PKHD1L1: variants seen among roughly 807,000 people sequenced by gnomAD.
PKHD1L1 encodes fibrocystin-L.
In PKHD1L1, 434 loss-of-function variants were observed where a neutral mutation model predicts 462.9. The observed-to-expected ratio is 0.94, with a 90% CI of 0.87 to 1.02. The LOEUF is 1.02. Among genes scored for constraint, PKHD1L1 ranks in the 50% least tolerant of loss-of-function variants. The probability of loss-of-function intolerance (pLI) is 0.00; values close to 1 mark genes in which losing one functional copy is unlikely to be tolerated. For missense variants in PKHD1L1, 5,202 were observed against 5,096.1 expected (o/e 1.02, Z -0.63); for synonymous variants, 1,781 against 1,750.0 (o/e 1.02, Z -0.44).
chr8:109,447,955 T>C (rs1183706786), intron 38 of PKHD1L1, among the ~76,000 whole-genome samples, 188 bp from the exon 39 acceptor site: 2 of 152,186 alleles, frequency 1.3e-5, no homozygotes, highest in Admixed American at 1.3e-4. Flanking sequence ...TTATAATTAA[T>C]ATACAGTAGA....
Position 109,498,485 on chromosome 8 carries a change from C to T in PKHD1L1, c.10623C>T (p.Ser3541=). Residue 3541 remains serine, a synonymous_variant, in exon 66 of 78, where the codon AGC becomes AGT. Transcript: ENST00000378402. ...AGAGCTCATTAATTGTTGGAAGTAG[C>T]CCTGGGTTTAATTGCTCTGATGTCC... ...QIKSSLIVGS[S]PGFNCSDVLT... The T allele has an allele frequency of 1.2e-6, 2 of 1,612,006 alleles. No homozygotes were observed. The highest frequency in any genetic ancestry group is 1.7e-6 in the Non-Finnish European group (2 of 1,178,204).
intron 19 of PKHD1L1, among the ~76,000 whole-genome samples, 177 bp from the exon 20 acceptor site, chr8:109,412,088 T>C (rs1239662220): frequency 6.6e-6 from 1 of 152,154 alleles, no homozygotes; most frequent in African/African-American, 2.4e-5. Flanking sequence ...AAGGATTATA[T>C]AATTATGGAT....
chr8:109,367,043 T>C (rs1811269398), intron 2 of PKHD1L1, among the ~76,000 whole-genome samples: 1 of 152,240 alleles, frequency 6.6e-6, no homozygotes, highest in Non-Finnish European at 1.5e-5. Context: ...TAAAGTTGTA[T>C]ATATTAAATA....
intron 58 of PKHD1L1, 137 bp downstream of exon 58, chr8:109,485,310 C>A: frequency 1.4e-6 from 1 of 707,552 alleles, no homozygotes; most frequent in East Asian, 2.9e-5. Context: ...CAATGATACC[C>A]AGTGAGTGCT....
chr8:109,449,807 G>A (rs1816379832), intron 40 of PKHD1L1, among the ~76,000 whole-genome samples: 1 of 152,154 alleles, frequency 6.6e-6, no homozygotes, highest in Non-Finnish European at 1.5e-5. Context: ...ATTAAAGATA[G>A]GAGTTTCATT....
intron 30 of PKHD1L1, among the ~76,000 whole-genome samples, 155 bp downstream of exon 30, chr8:109,436,614 C>G (rs959339729): frequency 8.5e-5 from 13 of 152,128 alleles, no homozygotes; most frequent in African/African-American, 3.1e-4. Flanking sequence ...TCTTCCATAT[C>G]TTTCCACTAA....
At chr8:109,363,413 G>A (rs1445291835) in intron 1 of PKHD1L1, among the ~76,000 whole-genome samples, 1 of 152,178 alleles carries the variant, frequency 6.6e-6, no homozygotes, top group Non-Finnish European at 1.5e-5. Context: ...GAGAGCTTTT[G>A]CTACTATAGG....
intron 3 of PKHD1L1, 92 bp downstream of exon 3, chr8:109,381,606 G>A (rs1016758641): frequency 2.7e-5 from 26 of 952,124 alleles, no homozygotes; most frequent in Middle Eastern, 3.4e-4. Flanking sequence ...TATTACCCTG[G>A]CTATTATAAA....
chr8:109,527,184 C>T (rs1820860397), intron 77 of PKHD1L1, among the ~76,000 whole-genome samples, 164 bp downstream of exon 77: 1 of 152,092 alleles, frequency 6.6e-6, no homozygotes, highest in South Asian at 2.1e-4. Flanking sequence ...AAATGTTATT[C>T]ACTACATGTT....
At chr8:109,436,584 T>G in intron 30 of PKHD1L1, 125 bp downstream of exon 30, 1 of 1,430,330 alleles carries the variant, frequency 7.0e-7, no homozygotes, top group South Asian at 1.4e-5. Flanking sequence ...GGGTTTCTAT[T>G]ATGCTCCTTA....
At chr8:109,451,824 G>T (rs1257525327) in intron 41 of PKHD1L1, among the ~76,000 whole-genome samples, 1 of 152,132 alleles carries the variant, frequency 6.6e-6, no homozygotes, top group African/African-American at 2.4e-5. Context: ...TCTTTTAAAA[G>T]TACCTGTTGG....
chr8:109,479,913 A>G, intron 54 of PKHD1L1, 78 bp from the exon 55 acceptor site: 3 of 1,334,462 alleles, frequency 2.2e-6, no homozygotes, highest in Non-Finnish European at 3.0e-6. Flanking sequence ...ACTAGGACTC[A>G]CTGATAAGCT....
In PKHD1L1 at chr8:109,507,975, A is replaced by G. The variant is rs1819780489; in HGVS notation, c.11227+80A>G. The G allele has an allele frequency of 6.6e-6, 10 of 1,524,508 alleles. No individual in the cohort carries two copies. The South Asian group carries it at 1.1e-4, about 17-fold the overall frequency. The allele number at this position is 1,524,508 out of a possible 1,614,324, so 94.4% of individuals were successfully genotyped here. On this transcript the variant is annotated intron_variant, in intron 69 of 77. Coordinates refer to ENST00000378402, the MANE Select transcript of PKHD1L1 (RefSeq NM_177531.6). ...ATGTTTTATTTTTAATGACTTGCCT[A>G]CTCAACCAATAACTTTTATTTTCTA...
chr8:109,405,091 CT>C lies in PKHD1L1; in HGVS notation c.1633del (p.Tyr545ThrfsTer5). ...SPCVEANSCS[L>X]YQYRLIYNME... The stretch of plus-strand genomic sequence containing the variant: ...ATGTGTGGAAGCTAATTCATGTTCA[CT>C]TTACCAATATAGATTAATCTATAAT... On this transcript the variant is annotated frameshift_variant, in exon 16 of 78. Coordinates refer to ENST00000378402, the MANE Select transcript of PKHD1L1 (RefSeq NM_177531.6). LOFTEE classifies it high-confidence loss of function. 6.6e-7 allele frequency: 1 copy of C among 1,508,668 alleles called. No homozygotes were observed. The highest frequency in any genetic ancestry group is 2.4e-5 in the East Asian group (1 of 41,388). The allele number at this position is 1,508,668 out of a possible 1,614,324, so 93.5% of individuals were successfully genotyped here.
Position 109,364,645 on chromosome 8 carries a change from G to GATTTT in PKHD1L1, c.163+9_163+10insATTTT. ...GACTATAAGAGGGGAAGGTATCGTT[G>GATTTT]CTTTTTTTTTTTTTTTTTTGCCAAG... On this transcript the variant is annotated intron_variant, in intron 2 of 77. Transcript: ENST00000378402. 8.3e-7 allele frequency: 1 copy of GATTTT among 1,201,106 alleles called. No homozygotes were observed. The highest frequency in any genetic ancestry group is 1.8e-5 in the South Asian group (1 of 54,678). 74.4% of individuals were successfully genotyped at this position (1,201,106 alleles called of 1,614,324 possible).
At chr8:109,367,149 T>G (rs1460286597) in intron 2 of PKHD1L1, among the ~76,000 whole-genome samples, 4 of 152,216 alleles carry the variant, frequency 2.6e-5, no homozygotes, top group Non-Finnish European at 5.9e-5. Flanking sequence ...GCCCATAATA[T>G]ATACAGAATG....
chr8:109,371,687 G>T (rs1279126192), intron 2 of PKHD1L1, among the ~76,000 whole-genome samples: 3 of 135,238 alleles, frequency 2.2e-5, no homozygotes, highest in African/African-American at 8.0e-5. Flanking sequence ...TTGATAAGGT[G>T]TAAGGAAGGG....
intron 47 of PKHD1L1, among the ~76,000 whole-genome samples, chr8:109,460,598 C>A (rs774968736): frequency 1.3e-5 from 2 of 152,128 alleles, no homozygotes; most frequent in Non-Finnish European, 2.9e-5. Flanking sequence ...CAACTAAATT[C>A]TAGTAGCCTC....
chr8:109,394,315 C>A, intron 9 of PKHD1L1, 100 bp from the exon 10 acceptor site: 1 of 661,408 alleles, frequency 1.5e-6, no homozygotes, highest in East Asian at 2.9e-5. Flanking sequence ...TTCCATCGTG[C>A]TCTTTTGCAG....
Sources: gnomAD v4.1 joint callset for allele counts (sites outside exome capture counted in the v4.1 genomes callset) on GRCh38, gnomAD v4.1.1 for gene constraint, MANE v1.5 for transcripts, NCBI Gene and HGNC (gene_info 2026-07-23, HGNC 2026-07-21) for gene names.